Variants in KCNJ6 observed in about 807,000 individuals in gnomAD.
The protein encoded by KCNJ6 is potassium inwardly rectifying channel subfamily J member 6.
Under a neutral mutation model 34.2 loss-of-function variants are expected in KCNJ6, and 9 were observed. The observed-to-expected ratio is 0.26, with a 90% confidence interval of 0.16 to 0.46. KCNJ6 has a LOEUF of 0.46. Ranked by LOEUF, KCNJ6 falls within the 20% of genes least tolerant of loss-of-function variation. The pLI is 1.00. For missense variants in KCNJ6, 236 were observed against 531.3 expected (o/e 0.44, Z 5.46); for synonymous variants, 196 against 207.1 (o/e 0.95, Z 0.46).
rs2054294251 is a variant in KCNJ6, at chr21:37,622,822, G to C, written c.*2337C>G. Reference sequence around the variant, plus strand: ...CGCTGTCCTTTAAACCTTAGCAATGGAATTAAAAAGGCCCAGTGAGTCTTC... The same window carrying C: ...CGCTGTCCTTTAAACCTTAGCAATGCAATTAAAAAGGCCCAGTGAGTCTTC... On this transcript the variant is annotated 3_prime_UTR_variant, in exon 4 of 4. Transcript: ENST00000609713. 6.6e-6 allele frequency: 1 copy of C among 152,200 alleles called. No individual in the cohort carries two copies. The highest frequency in any genetic ancestry group is 1.5e-5 in the Non-Finnish European group (1 of 68,052). 9.4% of individuals were successfully genotyped at this position (152,200 alleles called of 1,614,324 possible).
At chr21:37,628,267 AAAAG>A (rs1442873017) in intron 3 of KCNJ6, among the ~76,000 whole-genome samples, 2 of 152,216 alleles carry the variant, frequency 1.3e-5, no homozygotes, top group African/African-American at 4.8e-5. Flanking sequence ...TCAAAGAACT[AAAAG>A]AAGCCATGTC....
chr21:37,728,913 A>G (rs2054869690), intron 2 of KCNJ6, among the ~76,000 whole-genome samples: 1 of 152,136 alleles, frequency 6.6e-6, no homozygotes, highest in Non-Finnish European at 1.5e-5. Flanking sequence ...CCCATCAGCG[A>G]CTGGTGATAA....
At chr21:37,655,232 A>G (rs1289255624) in intron 3 of KCNJ6, among the ~76,000 whole-genome samples, 104 of 2,466 alleles carry the variant, frequency 0.042, 1 homozygote, top group African/African-American at 0.098. Context: ...TGTGAGAGAG[A>G]GAGAGAGAGA....
intron 1 of KCNJ6, among the ~76,000 whole-genome samples, chr21:37,872,890 T>G (rs1275977134): frequency 6.6e-6 from 1 of 152,336 alleles, no homozygotes; most frequent in East Asian, 1.9e-4. Flanking sequence ...TATGAGCATC[T>G]GACATTTCCC....
In KCNJ6 at chr21:37,866,836, A is replaced by G. The variant is rs1433577712; in HGVS notation, c.-27-26127T>C. 7.2e-5 allele frequency among the ~76,000 whole-genome samples: 11 copies of G among 152,236 alleles called. 1 individual carries two copies. On this transcript the variant is annotated intron_variant, in intron 1 of 3. Transcript: ENST00000609713. ...AGGAGGATGGGAATGATGAATAAGC[A>G]ATGAAGATTACTGGATGTCTTCAAT... is the stretch of plus-strand genomic sequence containing the variant.
At chr21:37,758,036 T>C (rs542751271) in intron 2 of KCNJ6, among the ~76,000 whole-genome samples, 1 of 152,042 alleles carries the variant, frequency 6.6e-6, no homozygotes, top group South Asian at 2.1e-4. Context: ...GGGTTGAGGG[T>C]GTGGGGATGG....
At chr21:37,653,513 G>T (rs781625935) in intron 3 of KCNJ6, among the ~76,000 whole-genome samples, 5 of 152,158 alleles carry the variant, frequency 3.3e-5, no homozygotes, top group Non-Finnish European at 7.4e-5. Flanking sequence ...CTCAAGGGGG[G>T]ACGTAGGGTG....
At chr21:37,835,437 C>T (rs1447151765) in intron 2 of KCNJ6, among the ~76,000 whole-genome samples, 11 of 152,278 alleles carry the variant, frequency 7.2e-5, no homozygotes, top group Admixed American at 3.9e-4. Flanking sequence ...AGACTTCCTG[C>T]GCTGTATTTG....
chr21:37,727,523 A>C (rs189270390), intron 2 of KCNJ6, among the ~76,000 whole-genome samples: 2 of 152,066 alleles, frequency 1.3e-5, no homozygotes, highest in East Asian at 3.9e-4. Context: ...TGTATATGTG[A>C]ACTGGGGGAG....
At chr21:37,888,912 G>A (rs185532869) in intron 1 of KCNJ6, among the ~76,000 whole-genome samples, 1 of 152,318 alleles carries the variant, frequency 6.6e-6, no homozygotes, top group East Asian at 1.9e-4. Context: ...AGGTCATCAA[G>A]GTATAACCTG....
intron 2 of KCNJ6, among the ~76,000 whole-genome samples, chr21:37,792,970 G>A (rs901430854): frequency 6.6e-6 from 1 of 152,086 alleles, no homozygotes; most frequent in East Asian, 1.9e-4. Context: ...AAGCCATGAG[G>A]CCCCTCCTCT....
chr21:37,863,045 G>A (rs915569), intron 1 of KCNJ6, among the ~76,000 whole-genome samples: 65,542 of 151,838 alleles, frequency 0.43, 15,417 homozygotes, highest in East Asian at 0.61. Flanking sequence ...ATAGACACTC[G>A]ACATTCACAG....
At chr21:37,795,820 A>T (rs2055239131) in intron 2 of KCNJ6, among the ~76,000 whole-genome samples, 2 of 152,106 alleles carry the variant, frequency 1.3e-5, no homozygotes, top group Admixed American at 1.3e-4. Flanking sequence ...AAAGAAAAAT[A>T]ATCTCTTTAG....
chr21:37,655,589 T>A (rs1041300216), intron 3 of KCNJ6, among the ~76,000 whole-genome samples: 1 of 152,170 alleles, frequency 6.6e-6, no homozygotes, highest in Non-Finnish European at 1.5e-5. Context: ...AGGGGAATGA[T>A]GTGAAAATTC....
At chr21:37,771,855 T>C (rs756957002) in intron 2 of KCNJ6, among the ~76,000 whole-genome samples, 16 of 152,182 alleles carry the variant, frequency 1.1e-4, no homozygotes, top group Admixed American at 2.6e-4. Flanking sequence ...GATGTGGTGT[T>C]GAAGATAATT....
intron 2 of KCNJ6, among the ~76,000 whole-genome samples, chr21:37,812,953 T>C (rs954186209): frequency 6.6e-6 from 1 of 152,148 alleles, no homozygotes; most frequent in African/African-American, 2.4e-5. Context: ...GGCATCCAAA[T>C]TGGTAAGGAA....
chr21:37,747,813 A>G (rs1410655590), intron 2 of KCNJ6, among the ~76,000 whole-genome samples: 1 of 152,184 alleles, frequency 6.6e-6, no homozygotes, highest in Non-Finnish European at 1.5e-5. Context: ...GCTGAAAACA[A>G]TTTTAACCCA....
intron 2 of KCNJ6, among the ~76,000 whole-genome samples, chr21:37,737,978 C>T (rs1169173557): frequency 6.6e-6 from 1 of 152,174 alleles, no homozygotes; most frequent in African/African-American, 2.4e-5. Flanking sequence ...ATGCTCTGCA[C>T]CTGGCCAGCT....
chr21:37,804,188 C>T (rs961723445), intron 2 of KCNJ6, among the ~76,000 whole-genome samples: 1 of 152,140 alleles, frequency 6.6e-6, no homozygotes, highest in Non-Finnish European at 1.5e-5. Flanking sequence ...CAGATAATAA[C>T]AAGTGTTGAC....
Sources: allele counts gnomAD v4.1 joint callset (sites outside exome capture counted in the v4.1 genomes callset), GRCh38; gene constraint gnomAD v4.1.1; transcripts MANE v1.5; gene names NCBI Gene and HGNC (gene_info 2026-07-23, HGNC 2026-07-21).